The following SIPA1L2 variants were observed in gnomAD, a reference collection of about 807,000 sequenced individuals.
SIPA1L2 encodes the protein signal induced proliferation associated 1 like 2.
Under a neutral mutation model 163.9 loss-of-function variants are expected in SIPA1L2, and 56 were observed. The observed-to-expected ratio is 0.34, with a 90% CI of 0.28 to 0.43. SIPA1L2 has a LOEUF of 0.43. Among genes scored for constraint, SIPA1L2 ranks in the 20% least tolerant of loss-of-function variants. The probability of loss-of-function intolerance (pLI) is 1.00; values close to 1 mark genes in which losing one functional copy is unlikely to be tolerated. For synonymous variants in SIPA1L2, 877 were observed against 865.7 expected, an observed-to-expected ratio of 1.01 and a Z score of -0.23; for missense variants, 1,974 against 2,193.5, an observed-to-expected ratio of 0.90 and a Z score of 2.00.
chr1:232,618,809 A>T (rs187978810), intron 1 of SIPA1L2, among the ~76,000 whole-genome samples: 1 of 152,372 alleles, frequency 6.6e-6, no homozygotes, highest in East Asian at 1.9e-4. Context: ...TATTCTGTCA[A>T]CTAACTGAAA....
Position 232,403,491 on chromosome 1 carries a change from A to G in SIPA1L2, c.4897T>C (p.Cys1633Arg), listed in dbSNP as rs778019197. 9 of 1,614,008 alleles carry G rather than the reference A, an allele frequency of 5.6e-6. No homozygotes were observed. Among genetic ancestry groups the G allele is most frequent in the Non-Finnish European group, 7.6e-6 (9 of 1,179,986 alleles). The change falls in exon 21 of 23, where the codon TGT (cysteine) becomes CGT (arginine). Residue 1633 changes from cysteine (C) to arginine (R), a missense_variant. Cys to Arg is a radical substitution (Grantham distance 180, BLOSUM62 -3). Transcript: ENST00000674635. ...TCTTTGCCACTGCCTGGATCTACAC[A>G]TAAGGGCAGCTCTTGGGCCCCTTCC... ...DLEGAQELPL[C>R]VDPGSGKEFM... is the part of the protein sequence containing the mutation.
chr1:232,494,721 A>T (rs1482476815), intron 3 of SIPA1L2, among the ~76,000 whole-genome samples: 1 of 152,202 alleles, frequency 6.6e-6, no homozygotes, highest in Non-Finnish European at 1.5e-5. Flanking sequence ...TCCAATACAC[A>T]AAATAGTGGG....
At chr1:232,526,116 T>C (rs1056507115) in intron 2 of SIPA1L2, among the ~76,000 whole-genome samples, 1 of 152,216 alleles carries the variant, frequency 6.6e-6, no homozygotes, top group Non-Finnish European at 1.5e-5. Context: ...TTCCACTTCC[T>C]AACCTCTCTG....
chr1:232,622,131 T>C (rs1207874720), intron 1 of SIPA1L2, among the ~76,000 whole-genome samples: 1 of 152,274 alleles, frequency 6.6e-6, no homozygotes, highest in Non-Finnish European at 1.5e-5. Context: ...TACTATCATG[T>C]ATGCCTTGCT....
At chr1:232,617,940 G>T (rs2102884410) in intron 1 of SIPA1L2, among the ~76,000 whole-genome samples, 1 of 152,258 alleles carries the variant, frequency 6.6e-6, no homozygotes, top group East Asian at 1.9e-4. Context: ...ACTCTGAAAT[G>T]CATCCAAAAA....
At chr1:232,496,480 T>TA (rs1209915286) in intron 3 of SIPA1L2, among the ~76,000 whole-genome samples, 1 of 149,702 alleles carries the variant, frequency 6.7e-6, no homozygotes, top group Non-Finnish European at 1.5e-5. Flanking sequence ...AGGTAACTAT[T>TA]ACAAACATAA....
chr1:232,565,285 G>A (rs1659339269), intron 2 of SIPA1L2, among the ~76,000 whole-genome samples: 1 of 152,194 alleles, frequency 6.6e-6, no homozygotes, highest in Admixed American at 6.5e-5. Flanking sequence ...CTCCGATTAA[G>A]GTTCTTCCAG....
chr1:232,626,491 C>G (rs1260023447), intron 1 of SIPA1L2, among the ~76,000 whole-genome samples: 2 of 152,160 alleles, frequency 1.3e-5, no homozygotes, highest in Admixed American at 1.3e-4. Flanking sequence ...TGGCTCCCTT[C>G]TACAGCTGCT....
chr1:232,480,162 T>C (rs1402808105), intron 6 of SIPA1L2, among the ~76,000 whole-genome samples: 1,559 of 131,734 alleles, frequency 0.012, 31 homozygotes, highest in African/African-American at 0.043. Flanking sequence ...TGCGTGTGTG[T>C]GTGTGTGTGT....
intron 18 of SIPA1L2, 190 bp from the exon 19 acceptor site, chr1:232,415,815 C>T (rs111851688): frequency 2.2e-5 from 12 of 545,706 alleles, no homozygotes; most frequent in Non-Finnish European, 2.8e-5. Context: ...AGTCAGAACA[C>T]GGGCACCACT....
At chr1:232,495,788 A>G (rs1354527621) in intron 3 of SIPA1L2, among the ~76,000 whole-genome samples, 3 of 152,192 alleles carry the variant, frequency 2.0e-5, no homozygotes, top group Non-Finnish European at 4.4e-5. Flanking sequence ...ATGTCATTAC[A>G]TGGGAATCCA....
chr1:232,602,802 C>T (rs1325719321), intron 1 of SIPA1L2, among the ~76,000 whole-genome samples: 1 of 152,216 alleles, frequency 6.6e-6, no homozygotes, highest in African/African-American at 2.4e-5. Flanking sequence ...AATGTTACTC[C>T]TGCAATGCCC....
intron 2 of SIPA1L2, among the ~76,000 whole-genome samples, chr1:232,531,672 G>C (rs1469543997): frequency 6.6e-6 from 1 of 152,154 alleles, no homozygotes; most frequent in Non-Finnish European, 1.5e-5. Flanking sequence ...GTTGTGGTTG[G>C]TAATGTGGAT....
intron 2 of SIPA1L2, among the ~76,000 whole-genome samples, chr1:232,538,532 TTA>T (rs1657449639): frequency 6.6e-6 from 1 of 152,162 alleles, no homozygotes; most frequent in Non-Finnish European, 1.5e-5. Flanking sequence ...CCACTTTCCA[TTA>T]AAACCTTTTC....
intron 6 of SIPA1L2, among the ~76,000 whole-genome samples, chr1:232,483,298 T>C (rs1665462740): frequency 6.6e-6 from 1 of 151,932 alleles, no homozygotes; most frequent in South Asian, 2.1e-4. Context: ...TGCAAGTCTG[T>C]TATAAGGGGA....
At chr1:232,621,255 C>T (rs991366027) in intron 1 of SIPA1L2, among the ~76,000 whole-genome samples, 5 of 152,174 alleles carry the variant, frequency 3.3e-5, no homozygotes, top group Non-Finnish European at 5.9e-5. Context: ...AGTTTTTAGA[C>T]CAGAACAATG....
chr1:232,435,967 T>C (rs530798670), intron 15 of SIPA1L2, among the ~76,000 whole-genome samples: 2 of 152,258 alleles, frequency 1.3e-5, no homozygotes, highest in East Asian at 3.9e-4. Context: ...TGCCAAGGAA[T>C]GTGCGTGTGT....
chr1:232,451,731 T>C (rs1663591285), intron 10 of SIPA1L2, among the ~76,000 whole-genome samples: 1 of 152,068 alleles, frequency 6.6e-6, no homozygotes, highest in African/African-American at 2.4e-5. Flanking sequence ...CAACAGGAGA[T>C]ACTAAAAAAC....
chr1:232,466,342 G>A (rs1315411291), intron 8 of SIPA1L2, among the ~76,000 whole-genome samples: 1 of 152,196 alleles, frequency 6.6e-6, no homozygotes, highest in Non-Finnish European at 1.5e-5. Flanking sequence ...AGTTTTAAGG[G>A]ATCTCAGGGA....
Sources: allele counts gnomAD v4.1 joint callset (sites outside exome capture counted in the v4.1 genomes callset), GRCh38; gene constraint gnomAD v4.1.1; transcripts MANE v1.5; gene names NCBI Gene and HGNC (gene_info 2026-07-23, HGNC 2026-07-21).